SLIT2: variants seen among roughly 807,000 people sequenced by gnomAD.
SLIT2 encodes slit guidance ligand 2.
SLIT2 carries 41 observed loss-of-function variants against 185.7 expected under a neutral mutation model. The observed-to-expected ratio is 0.22, with a 90% CI of 0.17 to 0.29. The LOEUF (loss-of-function observed/expected upper bound fraction) is 0.29, where lower values mean the gene tolerates loss of function less well. Among genes scored for constraint, SLIT2 ranks in the 10% least tolerant of loss-of-function variants. The pLI is 1.00. For synonymous variants in SLIT2, 693 were observed against 680.2 expected, an observed-to-expected ratio of 1.02 and a Z score of -0.29; for missense variants, 1,571 against 1,909.0, an observed-to-expected ratio of 0.82 and a Z score of 3.30.
intron 4 of SLIT2, among the ~76,000 whole-genome samples, chr4:20,452,830 G>A (rs138726287): frequency 3.3e-5 from 5 of 152,292 alleles, no homozygotes; most frequent in South Asian, 2.1e-4. Flanking sequence ...TGTGGGAACC[G>A]AGGCCTTTCT....
At chr4:20,606,313 T>C (rs988891168) in intron 33 of SLIT2, among the ~76,000 whole-genome samples, 2 of 152,024 alleles carry the variant, frequency 1.3e-5, no homozygotes, top group African/African-American at 4.8e-5. Flanking sequence ...ATACCCTATC[T>C]CTACAGAAAA....
chr4:20,535,575 A>T (rs1194782689), intron 18 of SLIT2, among the ~76,000 whole-genome samples: 1 of 152,016 alleles, frequency 6.6e-6, no homozygotes, highest in African/African-American at 2.4e-5. Flanking sequence ...GCTTCCACAG[A>T]CTGGATTGCT....
chr4:20,581,665 CA>C (rs1560213137), intron 29 of SLIT2, among the ~76,000 whole-genome samples: 1 of 152,166 alleles, frequency 6.6e-6, no homozygotes, highest in Non-Finnish European at 1.5e-5. Context: ...CTACCCTGTA[CA>C]AGTGGTCACC....
intron 15 of SLIT2, among the ~76,000 whole-genome samples, chr4:20,527,570 C>T (rs1048944525): frequency 6.6e-6 from 1 of 152,116 alleles, no homozygotes; most frequent in African/African-American, 2.4e-5. Flanking sequence ...CAGGCGTGAG[C>T]CACCACACCC....
At chr4:20,422,556 A>C (rs1402407273) in intron 4 of SLIT2, among the ~76,000 whole-genome samples, 1 of 152,156 alleles carries the variant, frequency 6.6e-6, no homozygotes, top group African/African-American at 2.4e-5. Flanking sequence ...CTTACATCCT[A>C]ATGTTAACAG....
intron 33 of SLIT2, among the ~76,000 whole-genome samples, chr4:20,600,900 C>T (rs1361846174): frequency 1.3e-5 from 2 of 150,428 alleles, no homozygotes. Context: ...ATGTATAATA[C>T]ATTTTATTAA....
At chr4:20,392,858 G>T (rs1454186505) in intron 4 of SLIT2, among the ~76,000 whole-genome samples, 1 of 151,942 alleles carries the variant, frequency 6.6e-6, no homozygotes, top group Admixed American at 6.6e-5. Context: ...GGATAACAAT[G>T]CCTTCTTCTA....
chr4:20,416,037 A>T (rs1442301672), intron 4 of SLIT2, among the ~76,000 whole-genome samples: 1 of 152,156 alleles, frequency 6.6e-6, no homozygotes, highest in Non-Finnish European at 1.5e-5. Context: ...TGAGGCATTT[A>T]TTTCCTGTAC....
intron 4 of SLIT2, among the ~76,000 whole-genome samples, chr4:20,416,976 T>C (rs1001717908): frequency 2.0e-5 from 3 of 151,872 alleles, no homozygotes; most frequent in African/African-American, 7.3e-5. Flanking sequence ...TTTTTTTTTT[T>C]TTCACTCAAG....
intron 22 of SLIT2, among the ~76,000 whole-genome samples, chr4:20,547,268 A>G (rs1398412601): frequency 2.6e-5 from 4 of 152,114 alleles, no homozygotes; most frequent in Non-Finnish European, 4.4e-5. Flanking sequence ...TGTTAAATAA[A>G]CCATTAAATT....
intron 4 of SLIT2, among the ~76,000 whole-genome samples, chr4:20,452,489 G>A (rs150180584): frequency 2.0e-4 from 30 of 152,154 alleles, no homozygotes; most frequent in Admixed American, 1.1e-3. Context: ...TTTAAAAACC[G>A]TCCTCTTATT....
At chr4:20,472,621 G>GAT (rs1286682766) in intron 5 of SLIT2, among the ~76,000 whole-genome samples, 1 of 69,934 alleles carries the variant, frequency 1.4e-5, no homozygotes, top group African/African-American at 9.4e-5. Context: ...TATATATATC[G>GAT]ATATATCTAT....
chr4:20,510,383 T>C (rs1268745289), intron 9 of SLIT2, 112 bp from the exon 10 acceptor site: 2 of 743,494 alleles, frequency 2.7e-6, no homozygotes, highest in African/African-American at 1.8e-5. Context: ...GAAAAAAATA[T>C]ATCACTCATG....
At chr4:20,313,806 C>T (rs1718336553) in intron 4 of SLIT2, among the ~76,000 whole-genome samples, 1 of 152,096 alleles carries the variant, frequency 6.6e-6, no homozygotes. Context: ...TACGCGGCTG[C>T]TGATCTGAAC....
chr4:20,352,299 CTT>C (rs143588094), intron 4 of SLIT2, among the ~76,000 whole-genome samples: 3 of 151,124 alleles, frequency 2.0e-5, no homozygotes, highest in South Asian at 2.1e-4. Context: ...CTCTTCTCAC[CTT>C]TTTTTTTATT....
intron 4 of SLIT2, among the ~76,000 whole-genome samples, chr4:20,354,658 C>T (rs1305193711): frequency 6.6e-6 from 1 of 152,034 alleles, no homozygotes; most frequent in Admixed American, 6.6e-5. Context: ...CATGAATGAG[C>T]ACAGCATGCT....
rs192440989 is a variant in SLIT2 at position 20,598,617 on chromosome 4, G to A, written c.3692+222G>A. 4.5e-3 allele frequency among the ~76,000 whole-genome samples: 690 copies of A among 152,184 alleles called. 6 individuals carry two copies. The highest frequency in any genetic ancestry group is 0.016 in the African/African-American group (649 of 41,528). Reference sequence around the variant, plus strand: ...GACTGCTATGCACAAAGAGGTGACTGGGATAGTATAGTAACCTGGGGCTGG... The same window carrying A: ...GACTGCTATGCACAAAGAGGTGACTAGGATAGTATAGTAACCTGGGGCTGG... On this transcript the variant is annotated intron_variant, in intron 33 of 36. Coordinates refer to ENST00000504154, the MANE Select transcript of SLIT2 (RefSeq NM_004787.4).
chr4:20,300,824 T>A (rs1716970736), intron 4 of SLIT2, among the ~76,000 whole-genome samples: 1 of 152,108 alleles, frequency 6.6e-6, no homozygotes, highest in Non-Finnish European at 1.5e-5. Flanking sequence ...AACTTAACTT[T>A]GTTTCTGCTA....
rs75738646 is a variant in SLIT2 at position 20,514,771 on chromosome 4, T to A, written c.1058+3634T>A. Among the ~76,000 whole-genome samples the A allele has an allele frequency of 9.6e-3, 1,449 of 151,460 alleles. 22 individuals carry two copies. The highest frequency in any genetic ancestry group is 0.075 in the East Asian group (382 of 5,122). ...TACTAAGAAATCCTATACTTTTTTT[T>A]ATTAACATTATCATTTATTTTTATT... On this transcript the variant is annotated intron_variant, in intron 11 of 36. Coordinates refer to ENST00000504154, the MANE Select transcript of SLIT2 (RefSeq NM_004787.4).
Sources: allele counts gnomAD v4.1 joint callset (sites outside exome capture counted in the v4.1 genomes callset), GRCh38; gene constraint gnomAD v4.1.1; transcripts MANE v1.5; gene names NCBI Gene and HGNC (gene_info 2026-07-23, HGNC 2026-07-21).